CMC1: variants seen among roughly 807,000 people sequenced by gnomAD.
CMC1 encodes COX assembly mitochondrial protein homolog.
A neutral mutation model predicts 14.1 loss-of-function variants in CMC1; 14 were observed. That is an observed-to-expected ratio of 0.99 (90% confidence interval 0.66 to 1.55). The LOEUF (loss-of-function observed/expected upper bound fraction) is 1.55, where lower values mean the gene tolerates loss of function less well. Among genes scored for constraint, CMC1 ranks in the 40% most tolerant of loss-of-function variants. The probability of loss-of-function intolerance (pLI) is 0.00; values close to 1 mark genes in which losing one functional copy is unlikely to be tolerated. For synonymous variants in CMC1, 50 were observed against 38.4 expected, an observed-to-expected ratio of 1.30 and a Z score of -1.12; for missense variants, 127 against 123.8, an observed-to-expected ratio of 1.03 and a Z score of -0.12.
chr3:28,288,200 TTA>T (rs1701291725), intron 2 of CMC1, among the ~76,000 whole-genome samples: 1 of 152,142 alleles, frequency 6.6e-6, no homozygotes, highest in African/African-American at 2.4e-5. Flanking sequence ...CATGAAAATG[TTA>T]TATGTCTTTA....
rs1398997867 is a variant in CMC1, at chr3:28,246,842, T to A, written c.19+5030T>A. ...TTACCTGATTCAGTCTTTCCCATAATGGTTGCAAAATAATGATTTTCTACC... is the reference window on the plus strand; with the variant it reads ...TTACCTGATTCAGTCTTTCCCATAAAGGTTGCAAAATAATGATTTTCTACC... On this transcript the variant is annotated intron_variant, in intron 1 of 3. Coordinates refer to ENST00000466830, the MANE Select transcript of CMC1 (RefSeq NM_182523.2). 5.3e-5 allele frequency among the ~76,000 whole-genome samples: 8 copies of A among 151,140 alleles called. 1 individual carries two copies.
intron 2 of CMC1, among the ~76,000 whole-genome samples, chr3:28,284,409 C>A (rs1209804035): frequency 2.0e-5 from 3 of 152,162 alleles, no homozygotes; most frequent in Non-Finnish European, 4.4e-5. Flanking sequence ...CACACACAGG[C>A]TAAATCAGTG....
chr3:28,259,313 A>C (rs1158018592), intron 1 of CMC1, among the ~76,000 whole-genome samples: 1 of 152,156 alleles, frequency 6.6e-6, no homozygotes. Flanking sequence ...TGGTGGAGAC[A>C]GAAATATTAC....
chr3:28,252,691 T>C (rs1245861384), intron 1 of CMC1, among the ~76,000 whole-genome samples: 1 of 152,218 alleles, frequency 6.6e-6, no homozygotes, highest in Non-Finnish European at 1.5e-5. Context: ...CCTTGTTTGC[T>C]TAAGTCTCCT....
intron 1 of CMC1, among the ~76,000 whole-genome samples, chr3:28,260,136 T>C (rs553173823): frequency 1.2e-4 from 18 of 152,292 alleles, no homozygotes; most frequent in African/African-American, 4.1e-4. Flanking sequence ...TTTTGAATGG[T>C]GAACCACCCT....
chr3:28,311,123 A>G (rs1702619192), intron 2 of CMC1, among the ~76,000 whole-genome samples: 1 of 151,548 alleles, frequency 6.6e-6, no homozygotes, highest in African/African-American at 2.4e-5. Context: ...TTCCATTTGA[A>G]CTAATGGTTT....
chr3:28,276,121 C>T (rs1014880132), intron 2 of CMC1, among the ~76,000 whole-genome samples: 6 of 152,100 alleles, frequency 3.9e-5, no homozygotes, highest in African/African-American at 1.4e-4. Context: ...AACCGCCTAG[C>T]CAGTCCCAGT....
Position 28,284,730 on chromosome 3 carries a change from CTGTGTG to C in CMC1, c.109+21368_109+21373del, listed in dbSNP as rs147368414. 3.3e-4 allele frequency among the ~76,000 whole-genome samples: 49 copies of C among 150,364 alleles called. 1 individual carries two copies. The South Asian group carries it at 4.4e-3, about 14-fold the overall frequency. The stretch of plus-strand genomic sequence containing the variant: ...TTTGGCTGTTTTTGTTGTTAGATTT[CTGTGTG>C]TGTGTGTGTGTGTGTGTTGGCTATT... On this transcript the variant is annotated intron_variant, in intron 2 of 3. Coordinates refer to ENST00000466830, the MANE Select transcript of CMC1 (RefSeq NM_182523.2).
chr3:28,281,200 A>C (rs928471433), intron 2 of CMC1, among the ~76,000 whole-genome samples: 1 of 152,236 alleles, frequency 6.6e-6, no homozygotes, highest in Non-Finnish European at 1.5e-5. Context: ...AATGTGACTG[A>C]AACAGATTCA....
intron 2 of CMC1, among the ~76,000 whole-genome samples, chr3:28,283,551 C>CAAAAAAAAAAAAAAAAAAAAAA (rs5847510): frequency 2.5e-5 from 3 of 118,276 alleles, no homozygotes; most frequent in Admixed American, 8.7e-5. Flanking sequence ...ACAACAAAAA[C>CAAAAAAAAAAAAAAAAAAAAAA]AAAAAAAAAA....
At chr3:28,276,123 A>G (rs1325974671) in intron 2 of CMC1, among the ~76,000 whole-genome samples, 5 of 152,060 alleles carry the variant, frequency 3.3e-5, no homozygotes, top group African/African-American at 7.2e-5. Context: ...CCGCCTAGCC[A>G]GTCCCAGTGA....
At chr3:28,243,923 A>T (rs953072914) in intron 1 of CMC1, among the ~76,000 whole-genome samples, 14 of 152,256 alleles carry the variant, frequency 9.2e-5, no homozygotes, top group African/African-American at 3.4e-4. Context: ...TAGTCAGTGA[A>T]GAGCTTTATG....
At chr3:28,302,970 G>A (rs890156069) in intron 2 of CMC1, among the ~76,000 whole-genome samples, 3 of 152,108 alleles carry the variant, frequency 2.0e-5, no homozygotes, top group East Asian at 1.9e-4. Flanking sequence ...TACAGATAAC[G>A]TTTCTGAAGT....
Position 28,321,645 on chromosome 3 carries a change from A to G in CMC1, c.*2016A>G, listed in dbSNP as rs990111701. ...TTACCCCTTAAGATACACCTTCTCCAAGTAGCCTTTCTGAATTAAGATCAG... is the reference window on the plus strand; with the variant it reads ...TTACCCCTTAAGATACACCTTCTCCGAGTAGCCTTTCTGAATTAAGATCAG... On this transcript the variant is annotated 3_prime_UTR_variant, in exon 4 of 4. Transcript: ENST00000466830. 2.0e-5 allele frequency: 3 copies of G among 151,276 alleles called. No homozygotes were observed. The highest frequency in any genetic ancestry group is 2.1e-4 in the South Asian group (1 of 4,830). The allele number at this position is 151,276 out of a possible 1,614,324, so 9.4% of individuals were successfully genotyped here.
chr3:28,263,560 A>T (rs1277548666), intron 2 of CMC1, among the ~76,000 whole-genome samples, 180 bp downstream of exon 2: 4 of 152,156 alleles, frequency 2.6e-5, no homozygotes, highest in African/African-American at 9.6e-5. Context: ...ATTCATTTAC[A>T]GTTTAAAAAT....
At chr3:28,307,030 A>T (rs1559441627) in intron 2 of CMC1, among the ~76,000 whole-genome samples, 1 of 152,168 alleles carries the variant, frequency 6.6e-6, no homozygotes, top group Admixed American at 6.5e-5. Flanking sequence ...TAGTTTTAAA[A>T]CATTTTCACT....
intron 2 of CMC1, among the ~76,000 whole-genome samples, chr3:28,298,829 GTTCTGTTTTTT>G (rs1251400391): frequency 1.3e-5 from 2 of 151,964 alleles, no homozygotes; most frequent in African/African-American, 4.8e-5. Flanking sequence ...GGGTCAGTAT[GTTCTGTTTTTT>G]TTCTGGGAAA....
At chr3:28,258,010 G>C (rs1699506855) in intron 1 of CMC1, among the ~76,000 whole-genome samples, 1 of 149,236 alleles carries the variant, frequency 6.7e-6, no homozygotes, top group Non-Finnish European at 1.5e-5. Context: ...CATACAAAAT[G>C]ATATAAGGGG....
Position 28,280,590 on chromosome 3 carries a change from G to A in CMC1, c.109+17210G>A, listed in dbSNP as rs111979240. Among the ~76,000 whole-genome samples the A allele has an allele frequency of 4.5e-3, 680 of 152,282 alleles. 6 individuals are homozygous for A. Among genetic ancestry groups the A allele is most frequent in the Middle Eastern group, 0.017 (5 of 294 alleles). ...AAAAAATTCACAAAAATTCATAAAT[G>A]TGGCTACTCTCTTACTTAGCAGTTC... On this transcript the variant is annotated intron_variant, in intron 2 of 3. Transcript: ENST00000466830.
Sources: allele counts gnomAD v4.1 joint callset (sites outside exome capture counted in the v4.1 genomes callset), GRCh38; gene constraint gnomAD v4.1.1; transcripts MANE v1.5; gene names NCBI Gene and HGNC (gene_info 2026-07-23, HGNC 2026-07-21).